Variants in CDH18 observed in about 807,000 individuals in gnomAD.
The protein encoded by CDH18 is cadherin-18.
A neutral mutation model predicts 67.9 loss-of-function variants in CDH18; 31 were observed. The ratio of observed to expected loss-of-function variants is 0.46; its 90% CI spans 0.34 to 0.62. The LOEUF (loss-of-function observed/expected upper bound fraction) is 0.62. CDH18 is among the 20% of genes least tolerant of loss of function. The pLI, the probability that CDH18 is intolerant of heterozygous loss-of-function variation, is 0.01. For synonymous variants in CDH18, 362 were observed against 347.2 expected (o/e 1.04, Z -0.48); for missense variants, 890 against 975.5 (o/e 0.91, Z 1.17).
intron 5 of CDH18, 148 bp downstream of exon 5, chr5:19,721,199 T>A: frequency 1.4e-6 from 1 of 727,064 alleles, no homozygotes; most frequent in Non-Finnish European, 2.2e-6. Context: ...AATTATTTCA[T>A]TACATTGTTT....
chr5:20,048,941 A>G (rs1296573777), intron 2 of CDH18, among the ~76,000 whole-genome samples: 2 of 151,770 alleles, frequency 1.3e-5, no homozygotes, highest in African/African-American at 4.8e-5. Context: ...ATTTCCTGCA[A>G]ATCTGCATTT....
intron 2 of CDH18, among the ~76,000 whole-genome samples, chr5:20,030,680 T>C (rs750737100): frequency 6.6e-6 from 1 of 152,146 alleles, no homozygotes; most frequent in South Asian, 2.1e-4. Context: ...CATACTCAGA[T>C]GTGAATGGCC....
intron 1 of CDH18, among the ~76,000 whole-genome samples, chr5:20,296,146 T>C (rs1437786029): frequency 6.6e-6 from 1 of 151,690 alleles, no homozygotes; most frequent in Non-Finnish European, 1.5e-5. Flanking sequence ...AGTGCTGGGA[T>C]TGCAGGTGTC....
chr5:19,769,217 CT>C (rs1183153739), intron 3 of CDH18, among the ~76,000 whole-genome samples: 1 of 151,978 alleles, frequency 6.6e-6, no homozygotes, highest in Non-Finnish European at 1.5e-5. Flanking sequence ...CTCAATGAAC[CT>C]CAAGTAGCAT....
intron 1 of CDH18, among the ~76,000 whole-genome samples, chr5:20,535,242 T>C (rs1756645550): frequency 2.0e-5 from 3 of 152,174 alleles, no homozygotes. Flanking sequence ...GCTTGCTGAC[T>C]GTCAGCTTAG....
At chr5:20,208,405 C>A (rs1045855946) in intron 2 of CDH18, among the ~76,000 whole-genome samples, 1 of 151,326 alleles carries the variant, frequency 6.6e-6, no homozygotes, top group African/African-American at 2.4e-5. Context: ...ATGGGGATTA[C>A]AATTCAAGAT....
chr5:20,206,093 TC>T (rs1463161896), intron 2 of CDH18, among the ~76,000 whole-genome samples: 1 of 151,754 alleles, frequency 6.6e-6, no homozygotes, highest in Non-Finnish European at 1.5e-5. Flanking sequence ...AACAAAACTT[TC>T]AGCTAGACAA....
At chr5:20,420,977 T>C (rs987938534) in intron 1 of CDH18, among the ~76,000 whole-genome samples, 4 of 151,390 alleles carry the variant, frequency 2.6e-5, no homozygotes, top group Admixed American at 2.0e-4. Flanking sequence ...AATTCCTGTT[T>C]GTTTTTTCCT....
intron 3 of CDH18, among the ~76,000 whole-genome samples, chr5:19,822,028 A>G (rs1168494271): frequency 1.3e-5 from 2 of 152,202 alleles, no homozygotes; most frequent in Non-Finnish European, 2.9e-5. Flanking sequence ...ACTTAGTGAC[A>G]GACCCTTAAA....
At chr5:19,959,987 G>A (rs995619912) in intron 2 of CDH18, among the ~76,000 whole-genome samples, 1 of 152,184 alleles carries the variant, frequency 6.6e-6, no homozygotes, top group East Asian at 1.9e-4. Flanking sequence ...CACCTGTATA[G>A]GATGCTAAAA....
chr5:19,958,857 T>C (rs1305825015), intron 2 of CDH18, among the ~76,000 whole-genome samples: 1 of 152,088 alleles, frequency 6.6e-6, no homozygotes, highest in Non-Finnish European at 1.5e-5. Context: ...TCCAGAGCAG[T>C]GTGAAGTGGC....
chr5:20,117,477 A>G (rs559044035), intron 2 of CDH18, among the ~76,000 whole-genome samples: 2 of 152,302 alleles, frequency 1.3e-5, no homozygotes, highest in Admixed American at 1.3e-4. Context: ...GACCTTTACA[A>G]TACAGTATTT....
intron 5 of CDH18, among the ~76,000 whole-genome samples, chr5:19,678,637 A>G (rs2150375206): frequency 6.6e-6 from 1 of 152,058 alleles, no homozygotes; most frequent in Non-Finnish European, 1.5e-5. Flanking sequence ...AAACTCACAG[A>G]AATACCAAAT....
At chr5:20,326,537 CT>C (rs372636215) in intron 1 of CDH18, among the ~76,000 whole-genome samples, 3,712 of 134,090 alleles carry the variant, frequency 0.028, 110 homozygotes, top group African/African-American at 0.092. Context: ...AACATATTTA[CT>C]TTTTTTTTTT....
chr5:19,543,986 C>T lies in CDH18; in HGVS notation c.1273G>A (p.Val425Ile). The T allele has an allele frequency of 1.3e-6, 2 of 1,576,854 alleles. No individual in the cohort carries two copies. Among genetic ancestry groups the T allele is most frequent in the Non-Finnish European group, 1.7e-6 (2 of 1,155,740 alleles). Residue 425 changes from valine to isoleucine, a missense_variant, in exon 9 of 13, where the codon GTT becomes ATT. By Grantham distance (29) the Val-to-Ile change is conservative. Around this residue, in one of 2 missense-constraint regions of CDH18, gnomAD observed 656 missense variants for 668.1 expected, o/e 0.98. Transcript: ENST00000382275. ...ATGTTGAAAAATCTGTCGTCTTCAA[C>T]ATTGTAGTTGATGAAGTATCTAGAG... ...SLVRYFINYN[V>I]EDDRFFNIDA...
chr5:19,824,257 C>A (rs140504659), intron 3 of CDH18, among the ~76,000 whole-genome samples: 14 of 152,180 alleles, frequency 9.2e-5, no homozygotes, highest in African/African-American at 3.4e-4. Context: ...TGAATACTGA[C>A]CCTGCAAGCT....
chr5:19,612,690 T>C (rs1215631101), intron 5 of CDH18, 89 bp from the exon 6 acceptor site: 7 of 977,528 alleles, frequency 7.2e-6, no homozygotes, highest in Non-Finnish European at 1.1e-5. Context: ...AGAAATGTCT[T>C]TTAAAATAGC....
chr5:19,699,696 TGAG>T (rs1762988848), intron 5 of CDH18, among the ~76,000 whole-genome samples: 1 of 151,350 alleles, frequency 6.6e-6, no homozygotes, highest in Non-Finnish European at 1.5e-5. Flanking sequence ...CTCTGCCATG[TGAG>T]GACATAGCAA....
At chr5:19,489,721 G>C (rs1741078217) in intron 11 of CDH18, among the ~76,000 whole-genome samples, 1 of 151,956 alleles carries the variant, frequency 6.6e-6, no homozygotes, top group Non-Finnish European at 1.5e-5. Context: ...ATCTTTCTTT[G>C]CCATTACATC....
Sources: gnomAD v4.1 joint callset for allele counts (sites outside exome capture counted in the v4.1 genomes callset) on GRCh38, gnomAD v4.1.1 for gene constraint, gnomAD v4.1.1 regional missense constraint, MANE v1.5 for transcripts, NCBI Gene and HGNC (gene_info 2026-07-23, HGNC 2026-07-21) for gene names.